METTL15: variants seen among roughly 807,000 people sequenced by gnomAD.
The protein encoded by METTL15 is 12S rRNA N(4)-cytidine methyltransferase METTL15.
In METTL15, 34 loss-of-function variants were observed where a neutral mutation model predicts 38.3. That is an observed-to-expected ratio of 0.89 (90% CI 0.68 to 1.18). The LOEUF (loss-of-function observed/expected upper bound fraction) is 1.18, where lower values mean the gene tolerates loss of function less well. Among genes scored for constraint, METTL15 ranks in the 50% most tolerant of loss-of-function variants. METTL15 has a pLI of 0.00. For missense variants in METTL15, 438 were observed against 498.4 expected (o/e 0.88, Z 1.15); for synonymous variants, 162 against 170.9 (o/e 0.95, Z 0.41).
chr11:28,297,285 T>G (rs1192034390), intron 6 of METTL15, among the ~76,000 whole-genome samples: 3 of 152,196 alleles, frequency 2.0e-5, no homozygotes, highest in Non-Finnish European at 2.9e-5. Flanking sequence ...AAAGGATTTC[T>G]TGATCCATCG....
intron 6 of METTL15, among the ~76,000 whole-genome samples, chr11:28,485,335 C>T (rs1394349620): frequency 6.6e-6 from 1 of 152,178 alleles, no homozygotes; most frequent in Middle Eastern, 3.2e-3. Flanking sequence ...TCACTATGTG[C>T]CAGGCACTGT....
chr11:28,204,410 A>G (rs1217538305), intron 3 of METTL15, among the ~76,000 whole-genome samples: 1 of 109,254 alleles, frequency 9.2e-6, no homozygotes, highest in South Asian at 2.9e-4. Context: ...ATCAAGTCAC[A>G]TTTTCTCTCT....
intron 3 of METTL15, among the ~76,000 whole-genome samples, chr11:28,347,447 C>T (rs1052081728): frequency 3.9e-5 from 6 of 152,214 alleles, no homozygotes; most frequent in Admixed American, 2.0e-4. Flanking sequence ...TTCCAGCCCT[C>T]TCCAGCTCCT....
chr11:28,418,243 C>T (rs1211390499), intron 5 of METTL15, among the ~76,000 whole-genome samples: 6 of 152,160 alleles, frequency 3.9e-5, no homozygotes, highest in Non-Finnish European at 8.8e-5. Flanking sequence ...AAACTTGTGC[C>T]TAAAATACAA....
chr11:28,236,779 T>A (rs1854001734), intron 4 of METTL15, among the ~76,000 whole-genome samples: 1 of 152,144 alleles, frequency 6.6e-6, no homozygotes, highest in Admixed American at 6.5e-5. Context: ...CTTCAGGAGC[T>A]CTTTTAGGGC....
chr11:28,370,014 A>G (rs1172170479), intron 5 of METTL15, among the ~76,000 whole-genome samples: 2 of 152,152 alleles, frequency 1.3e-5, no homozygotes, highest in Non-Finnish European at 2.9e-5. Flanking sequence ...ATTTATAAAG[A>G]TCAAATCAGT....
At chr11:28,214,803 T>A (rs1852792888) in intron 4 of METTL15, among the ~76,000 whole-genome samples, 1 of 152,166 alleles carries the variant, frequency 6.6e-6, no homozygotes, top group Non-Finnish European at 1.5e-5. Context: ...AGTTAAAAAC[T>A]CCAAATACTT....
At chr11:28,373,431 G>A (rs1179162261) in intron 5 of METTL15, among the ~76,000 whole-genome samples, 1 of 152,046 alleles carries the variant, frequency 6.6e-6, no homozygotes, top group Non-Finnish European at 1.5e-5. Flanking sequence ...TTTGAGAAGT[G>A]TCTGTTCATG....
intron 4 of METTL15, among the ~76,000 whole-genome samples, chr11:28,357,975 CATT>C (rs1850104198): frequency 6.6e-6 from 1 of 151,952 alleles, no homozygotes; most frequent in Non-Finnish European, 1.5e-5. Context: ...CAAATGTTAA[CATT>C]ATGTGGGAAA....
intron 3 of METTL15, among the ~76,000 whole-genome samples, chr11:28,175,023 T>G (rs1851010353): frequency 6.6e-6 from 1 of 152,064 alleles, no homozygotes; most frequent in Non-Finnish European, 1.5e-5. Flanking sequence ...TGTATACATG[T>G]GCCATGTTGG....
intron 4 of METTL15, among the ~76,000 whole-genome samples, chr11:28,278,960 G>A (rs1161780060): frequency 2.6e-5 from 4 of 152,104 alleles, no homozygotes; most frequent in Admixed American, 2.6e-4. Context: ...TTGAGTAGCT[G>A]GGACCACAGG....
chr11:28,526,283 C>G (rs946048691), intron 6 of METTL15, among the ~76,000 whole-genome samples: 1 of 152,222 alleles, frequency 6.6e-6, no homozygotes, highest in Non-Finnish European at 1.5e-5. Flanking sequence ...GAGCTGACGC[C>G]GAGGCCGAGG....
chr11:28,479,047 T>A (rs1851372178), intron 6 of METTL15, among the ~76,000 whole-genome samples: 1 of 119,060 alleles, frequency 8.4e-6, no homozygotes, highest in Non-Finnish European at 1.7e-5. Context: ...AGTTTTTTGC[T>A]TATTTCTCTT....
At chr11:28,268,723 A>G (rs1855529808) in intron 4 of METTL15, among the ~76,000 whole-genome samples, 1 of 152,194 alleles carries the variant, frequency 6.6e-6, no homozygotes, top group Non-Finnish European at 1.5e-5. Flanking sequence ...CTTATATGAA[A>G]TAACATAAAC....
chr11:28,173,569 T>C (rs144529142), intron 3 of METTL15, among the ~76,000 whole-genome samples: 59 of 152,352 alleles, frequency 3.9e-4, no homozygotes, highest in African/African-American at 1.2e-3. Context: ...CATTTTCTGC[T>C]GTTATTTAAC....
chr11:28,341,298 C>CA (rs1849950556), intron 3 of METTL15, among the ~76,000 whole-genome samples: 1 of 152,068 alleles, frequency 6.6e-6, no homozygotes, highest in Admixed American at 6.6e-5. Context: ...ACATGTATCT[C>CA]AAAACTTAAA....
intron 6 of METTL15, among the ~76,000 whole-genome samples, chr11:28,481,023 C>T (rs1334804720): frequency 2.6e-5 from 4 of 152,068 alleles, no homozygotes; most frequent in South Asian, 4.2e-4. Context: ...GAAAGAATAA[C>T]GTATTATTTT....
At chr11:28,305,498 A>G (rs1437163849) in intron 6 of METTL15, among the ~76,000 whole-genome samples, 1 of 152,192 alleles carries the variant, frequency 6.6e-6, no homozygotes, top group Non-Finnish European at 1.5e-5. Flanking sequence ...TAACTGAAGT[A>G]TAAAAAGATT....
At chr11:28,158,764 G>C (rs1015678528) in intron 3 of METTL15, among the ~76,000 whole-genome samples, 1 of 152,156 alleles carries the variant, frequency 6.6e-6, no homozygotes. Context: ...CATGCTCATG[G>C]AATTTACTGG....
Sources: allele counts gnomAD v4.1 joint callset (sites outside exome capture counted in the v4.1 genomes callset), GRCh38; gene constraint gnomAD v4.1.1; transcripts MANE v1.5; gene names NCBI Gene and HGNC (gene_info 2026-07-23, HGNC 2026-07-21).